Variants in TEX11 observed in about 807,000 individuals in gnomAD.
TEX11 encodes the protein testis-expressed protein 11.
In TEX11, 7 loss-of-function variants were observed where a neutral mutation model predicts 84.4. The ratio of observed to expected loss-of-function variants is 0.08; its 90% CI spans 0.05 to 0.16. The LOEUF is 0.16. Among genes scored for constraint, TEX11 ranks in the 10% least tolerant of loss-of-function variants. The probability of loss-of-function intolerance (pLI) is 1.00; values close to 1 mark genes in which losing one functional copy is unlikely to be tolerated. For missense variants in TEX11, 551 were observed against 660.5 expected, an observed-to-expected ratio of 0.83 and a Z score of 1.82; for synonymous variants, 264 against 222.8, an observed-to-expected ratio of 1.18 and a Z score of -1.64.
chrX:70,828,342 AAC>A (rs2091358145), intron 8 of TEX11, among the ~76,000 whole-genome samples: 1 of 110,950 alleles, frequency 9.0e-6, no homozygotes, highest in South Asian at 3.8e-4. Flanking sequence ...AATTTGAAAT[AAC>A]ACAAAGAAGG....
chrX:70,547,979 T>C (rs929173752), intron 28 of TEX11, among the ~76,000 whole-genome samples: 3 of 111,914 alleles, frequency 2.7e-5, no homozygotes, highest in Admixed American at 1.9e-4. Context: ...CGTATGTTTA[T>C]TGCAGCGCTG....
At chrX:70,788,973 T>TATATATATATAGAG (rs1211700739) in intron 9 of TEX11, among the ~76,000 whole-genome samples, 2 of 9,560 alleles carry the variant, frequency 2.1e-4, no homozygotes, top group African/African-American at 3.8e-4. Context: ...TATATATATA[T>TATATATATATAGAG]AGAGAGAGAG....
At chrX:70,689,627 C>A (rs1296081520) in intron 13 of TEX11, among the ~76,000 whole-genome samples, 2 of 111,619 alleles carry the variant, frequency 1.8e-5, no homozygotes, top group African/African-American at 6.5e-5. Flanking sequence ...ACAATCTGAA[C>A]AACAAAAATG....
At chrX:70,704,163 T>G (rs1243287737) in intron 13 of TEX11, among the ~76,000 whole-genome samples, 1 of 109,491 alleles carries the variant, frequency 9.1e-6, no homozygotes, top group Non-Finnish European at 1.9e-5. Flanking sequence ...AGATGCCTGC[T>G]TTTGCTTTGC....
intron 15 of TEX11, among the ~76,000 whole-genome samples, chrX:70,675,919 C>T (rs774971346): frequency 1.3e-4 from 15 of 111,876 alleles, no homozygotes; most frequent in Non-Finnish European, 1.3e-4. Context: ...TGTGAGCCAC[C>T]GCATCCGGCC....
chrX:70,677,140 G>C (rs2090079220), intron 15 of TEX11, among the ~76,000 whole-genome samples: 1 of 111,885 alleles, frequency 8.9e-6, no homozygotes, highest in Non-Finnish European at 1.9e-5. Flanking sequence ...ATCCTGTTGG[G>C]TGCTGTACAG....
intron 17 of TEX11, among the ~76,000 whole-genome samples, chrX:70,635,478 A>C (rs1569368033): frequency 8.9e-6 from 1 of 112,506 alleles, no homozygotes. Context: ...GACTGGCCCC[A>C]GTGCTGGACC....
intron 7 of TEX11, among the ~76,000 whole-genome samples, chrX:70,843,570 A>G (rs1232670351): frequency 8.9e-6 from 1 of 111,826 alleles, no homozygotes; most frequent in Non-Finnish European, 1.9e-5. Context: ...TGTCTAAAAC[A>G]CCAAAAGCAA....
chrX:70,599,823 T>C (rs1406725010), intron 24 of TEX11, among the ~76,000 whole-genome samples: 9 of 107,638 alleles, frequency 8.4e-5, no homozygotes, highest in Non-Finnish European at 1.7e-4. Context: ...TCCAATTTCA[T>C]CCATGTCCCT....
intron 8 of TEX11, among the ~76,000 whole-genome samples, chrX:70,830,760 A>C (rs952877763): frequency 1.8e-5 from 2 of 112,185 alleles, no homozygotes; most frequent in Admixed American, 9.5e-5. Flanking sequence ...AATCACAATG[A>C]GATATCACCT....
At chrX:70,600,721 A>T (rs1453164520) in intron 24 of TEX11, among the ~76,000 whole-genome samples, 1 of 90,922 alleles carries the variant, frequency 1.1e-5, no homozygotes, top group Non-Finnish European at 2.2e-5. Context: ...TCTCACTCAA[A>T]ACCGCTCAAC....
At chrX:70,641,801 C>A (rs1429082687) in intron 17 of TEX11, among the ~76,000 whole-genome samples, 1 of 109,706 alleles carries the variant, frequency 9.1e-6, no homozygotes, top group Non-Finnish European at 1.9e-5. Flanking sequence ...CACTAAATGC[C>A]CACAAGAGAA....
chrX:70,676,166 A>G (rs1410240991), intron 15 of TEX11, among the ~76,000 whole-genome samples: 4 of 111,996 alleles, frequency 3.6e-5, no homozygotes, highest in African/African-American at 1.3e-4. Flanking sequence ...GGTTGCTTCC[A>G]CCTTTTGGCT....
chrX:70,549,851 C>T (rs2088190476), intron 28 of TEX11, among the ~76,000 whole-genome samples: 1 of 112,529 alleles, frequency 8.9e-6, no homozygotes, highest in East Asian at 2.8e-4. Flanking sequence ...AAGGGAAGGA[C>T]AGCCTGGCTG....
the TEX11 span, among the ~76,000 whole-genome samples, chrX:70,512,792 T>C: frequency 9.2e-6 from 1 of 108,585 alleles, no homozygotes; most frequent in Non-Finnish European, 1.9e-5. Context: ...AGACATAACA[T>C]GACTATCGCC....
At chrX:70,675,305 TTGTAA>T (rs1441429650) in intron 15 of TEX11, among the ~76,000 whole-genome samples, 1 of 112,332 alleles carries the variant, frequency 8.9e-6, no homozygotes, top group African/African-American at 3.2e-5. Flanking sequence ...GAGGACTTCC[TTGTAA>T]TGTAGATCTT....
intron 8 of TEX11, among the ~76,000 whole-genome samples, chrX:70,813,580 T>C (rs1490429038): frequency 1.9e-5 from 2 of 108,002 alleles, no homozygotes; most frequent in African/African-American, 6.6e-5. Context: ...TTCAACATAG[T>C]GTTGGAAGTT....
chrX:70,621,808 G>A (rs954771568), intron 20 of TEX11, among the ~76,000 whole-genome samples: 13 of 106,752 alleles, frequency 1.2e-4, no homozygotes, highest in Non-Finnish European at 2.1e-4. Flanking sequence ...TTTATATAAA[G>A]TAACTTCTTA....
chrX:70,908,104 G>A (rs1378590187), intron 1 of TEX11, among the ~76,000 whole-genome samples: 1 of 111,430 alleles, frequency 9.0e-6, no homozygotes. Flanking sequence ...CTCAAAATCC[G>A]CTTCCGCTAC....
Sources: allele counts gnomAD v4.1 joint callset (sites outside exome capture counted in the v4.1 genomes callset), GRCh38; gene constraint gnomAD v4.1.1; transcripts MANE v1.5; gene names NCBI Gene and HGNC (gene_info 2026-07-23, HGNC 2026-07-21).